The following NRXN1 variants were observed in gnomAD, a reference collection of about 807,000 sequenced individuals.
NRXN1 encodes the protein neurexin 1, also known as neurexin-1.
A neutral mutation model predicts 150.9 loss-of-function variants in NRXN1; 39 were observed. That is an observed-to-expected ratio of 0.26 (90% CI 0.20 to 0.34). NRXN1 has a LOEUF of 0.34. Among genes scored for constraint, NRXN1 ranks in the 10% least tolerant of loss-of-function variants. The probability of loss-of-function intolerance (pLI) is 1.00; values close to 1 mark genes in which losing one functional copy is unlikely to be tolerated. For missense variants in NRXN1, 1,815 were observed against 1,949.9 expected, an observed-to-expected ratio of 0.93 and a Z score of 1.30; for synonymous variants, 924 against 757.0, an observed-to-expected ratio of 1.22 and a Z score of -3.62.
chr2:50,985,608 G>C (rs1008614236), intron 2 of NRXN1, among the ~76,000 whole-genome samples: 1 of 151,362 alleles, frequency 6.6e-6, no homozygotes, highest in Non-Finnish European at 1.5e-5. Context: ...CAATAATAAG[G>C]AAAAAAGGAT....
At chr2:50,070,783 A>AC (rs1346855683) in intron 19 of NRXN1, among the ~76,000 whole-genome samples, 5 of 141,316 alleles carry the variant, frequency 3.5e-5, no homozygotes, top group South Asian at 2.1e-4. Flanking sequence ...AAAAAAAAAA[A>AC]AAAAAACCTG....
At chr2:50,176,382 C>T (rs898430872) in intron 18 of NRXN1, among the ~76,000 whole-genome samples, 2 of 152,074 alleles carry the variant, frequency 1.3e-5, no homozygotes, top group African/African-American at 2.4e-5. Flanking sequence ...TTGCTATTGA[C>T]ATTTTAGGCT....
At chr2:49,967,170 A>G (rs1200558021) in intron 21 of NRXN1, among the ~76,000 whole-genome samples, 4 of 152,148 alleles carry the variant, frequency 2.6e-5, no homozygotes, top group Non-Finnish European at 5.9e-5. Flanking sequence ...ATTGATTAAA[A>G]TTAACTGAAT....
chr2:50,979,694 A>C (rs1364441441), intron 2 of NRXN1, among the ~76,000 whole-genome samples: 1 of 152,064 alleles, frequency 6.6e-6, no homozygotes, highest in Non-Finnish European at 1.5e-5. Context: ...GTAAAACCCC[A>C]TGGATTCTCA....
chr2:50,227,859 T>G (rs1367901407), intron 18 of NRXN1, among the ~76,000 whole-genome samples: 1 of 152,096 alleles, frequency 6.6e-6, no homozygotes, highest in Non-Finnish European at 1.5e-5. Flanking sequence ...ATGGCTAATG[T>G]GACCAAGGAG....
At chr2:50,373,880 A>T (rs1191877733) in intron 17 of NRXN1, among the ~76,000 whole-genome samples, 1 of 152,034 alleles carries the variant, frequency 6.6e-6, no homozygotes, top group Non-Finnish European at 1.5e-5. Context: ...GAGTTCTTGT[A>T]TTTTAAACGT....
chr2:50,079,346 G>A (rs1392869435), intron 19 of NRXN1, among the ~76,000 whole-genome samples: 1 of 151,862 alleles, frequency 6.6e-6, no homozygotes, highest in Non-Finnish European at 1.5e-5. Context: ...AAGATTTATT[G>A]GATCACAGCC....
chr2:50,791,671 G>A (rs1419662495), intron 5 of NRXN1, among the ~76,000 whole-genome samples: 2 of 152,132 alleles, frequency 1.3e-5, no homozygotes, highest in African/African-American at 4.8e-5. Flanking sequence ...AAATTCCTCT[G>A]CAGCGTATTC....
chr2:50,619,201 A>AT (rs1158208713), intron 8 of NRXN1: 2 of 151,580 alleles, frequency 1.3e-5, no homozygotes, highest in Non-Finnish European at 2.9e-5. Flanking sequence ...TTTAACTTTG[A>AT]TGTTTAGAAA....
At chr2:50,064,322 CT>C (rs1224915891) in intron 19 of NRXN1, among the ~76,000 whole-genome samples, 1 of 151,808 alleles carries the variant, frequency 6.6e-6, no homozygotes, top group African/African-American at 2.4e-5. Flanking sequence ...TAGGACAAAT[CT>C]TTTAAATCTT....
intron 19 of NRXN1, among the ~76,000 whole-genome samples, chr2:50,071,049 T>C (rs917945399): frequency 6.6e-6 from 1 of 152,174 alleles, no homozygotes; most frequent in African/African-American, 2.4e-5. Flanking sequence ...GAGCTGATGC[T>C]CCATTACTAA....
intron 17 of NRXN1, among the ~76,000 whole-genome samples, chr2:50,456,600 A>G (rs1015313195): frequency 6.6e-6 from 1 of 151,850 alleles, no homozygotes; most frequent in Admixed American, 6.6e-5. Flanking sequence ...TCACAGTAAT[A>G]TTTTTTTTCC....
At chr2:49,963,823 C>A (rs532481099) in intron 21 of NRXN1, among the ~76,000 whole-genome samples, 2 of 152,276 alleles carry the variant, frequency 1.3e-5, no homozygotes, top group African/African-American at 4.8e-5. Context: ...AATACTTTTT[C>A]CAGAGCTAAT....
intron 18 of NRXN1, among the ~76,000 whole-genome samples, chr2:50,112,782 T>C (rs1038985979): frequency 1.3e-5 from 2 of 152,084 alleles, no homozygotes; most frequent in Admixed American, 6.5e-5. Context: ...AAGAATTACA[T>C]AAGATTAAAA....
At position 50,545,269 on chromosome 2, in the gene NRXN1, C is replaced by A. The variant is rs542642526; in HGVS notation, c.1760-6633G>T. 7.2e-5 allele frequency among the ~76,000 whole-genome samples: 11 copies of A among 152,252 alleles called. No homozygotes were observed. The South Asian group carries it at 2.3e-3, about 32-fold the overall frequency. On this transcript the variant is annotated intron_variant, in intron 9 of 22. Transcript: ENST00000401669. ...TATAAACACACATACACATTCACAG[C>A]AATGTATAGACACATATACATTTTA...
intron 21 of NRXN1, among the ~76,000 whole-genome samples, chr2:49,985,984 A>G (rs904525427): frequency 4.6e-5 from 7 of 152,210 alleles, no homozygotes; most frequent in African/African-American, 1.7e-4. Context: ...GGAATAATTA[A>G]AAGTCCATCC....
intron 17 of NRXN1, among the ~76,000 whole-genome samples, chr2:50,364,888 A>C (rs550808853): frequency 6.6e-6 from 1 of 152,214 alleles, no homozygotes; most frequent in South Asian, 2.1e-4. Context: ...TTCAATTTAC[A>C]TAAACAGTCT....
chr2:50,120,616 T>C (rs1703723400), intron 18 of NRXN1, among the ~76,000 whole-genome samples: 1 of 152,214 alleles, frequency 6.6e-6, no homozygotes, highest in Non-Finnish European at 1.5e-5. Context: ...TGTTTAAATA[T>C]AGATATATAT....
chr2:49,938,172 A>T (rs898829345), intron 22 of NRXN1, among the ~76,000 whole-genome samples: 26 of 152,230 alleles, frequency 1.7e-4, no homozygotes, highest in African/African-American at 6.3e-4. Context: ...CTGTGTTCCA[A>T]GAAACTATAA....
Sources: allele counts gnomAD v4.1 joint callset (sites outside exome capture counted in the v4.1 genomes callset), GRCh38; gene constraint gnomAD v4.1.1; transcripts MANE v1.5; gene names NCBI Gene and HGNC (gene_info 2026-07-23, HGNC 2026-07-21).